RPL13: variants seen among roughly 807,000 people sequenced by gnomAD.
RPL13 encodes the protein ribosomal protein L13.
In RPL13, 1 loss-of-function variant was observed where a neutral mutation model predicts 21.4. The ratio of observed to expected loss-of-function variants is 0.05; its 90% CI spans 0.02 to 0.22. The LOEUF is 0.22. RPL13 is among the 10% of genes least tolerant of loss of function. RPL13 has a pLI of 1.00. For missense variants in RPL13, 289 were observed against 303.0 expected (o/e 0.95, Z 0.34); for synonymous variants, 143 against 120.5 (o/e 1.19, Z -1.23).
rs11546502 is a variant in RPL13, at chr16:89,561,237, C to A, written c.115C>A (p.Arg39=). 2 of 1,546,516 alleles carry A rather than the reference C, an allele frequency of 1.3e-6. No homozygotes were observed. The highest frequency in any genetic ancestry group is 2.3e-4 in the Middle Eastern group (1 of 4,416). ...PARKIRRRKA[R]QAKARRIAPR... ...GCTTCTCTCCACCAGACGTAAGGCC[C>A]GGCAAGCCAAGGCGCGCCGCATCGC... Residue 39 remains arginine (R), a synonymous_variant, in exon 3 of 6, where the codon CGG becomes AGG. Transcript: ENST00000311528.
downstream of RPL13, chr16:89,565,428 GCCT>G (rs1312211552): frequency 2.0e-5 from 3 of 152,288 alleles, no homozygotes; most frequent in Non-Finnish European, 2.9e-5. Flanking sequence ...GGGTGAGGCA[GCCT>G]CCCTGCTGAC....
In RPL13 at chr16:89,561,671, G is replaced by C; in HGVS notation, c.340G>C (p.Val114Leu). ...NKSTESLQAN[V>L]QRLKEYRSKL... ...GTCCACGGAGTCCCTGCAGGCCAAC[G>C]TGCAGCGGCTGAAGGAGTACCGCTC... The change falls in exon 4 of 6, where the codon GTG (valine) becomes CTG (leucine). Residue 114 changes from valine (V) to leucine (L), a missense_variant. Physicochemically the swap from Val to Leu is conservative, Grantham distance 32. Coordinates refer to ENST00000311528, the MANE Select transcript of RPL13 (RefSeq NM_000977.4). 2 of 1,613,896 alleles carry C rather than the reference G, an allele frequency of 1.2e-6. No homozygotes were observed. The highest frequency in any genetic ancestry group is 1.7e-6 in the Non-Finnish European group (2 of 1,180,042).
downstream of RPL13, chr16:89,566,161 G>C (rs890296720): frequency 7.5e-6 from 1 of 133,072 alleles, no homozygotes; most frequent in Non-Finnish European, 1.7e-5. Context: ...TGCCAGCAGT[G>C]CCCACGGGGG....
In RPL13 at chr16:89,561,739, G is replaced by A. The variant is rs753143699; in HGVS notation, c.408G>A (p.Lys136=). 6.8e-6 allele frequency: 11 copies of A among 1,613,626 alleles called. No homozygotes were observed. Among genetic ancestry groups the A allele is most frequent in the South Asian group, 1.1e-5 (1 of 91,076 alleles). ...LFPRKPSAPK[K]GDSSAEELKL... Reference sequence around the variant, plus strand: ...CCAGGAAGCCCTCGGCCCCCAAGAAGGGAGACAGTTCTGTGAGTACACGGC... The same window carrying A: ...CCAGGAAGCCCTCGGCCCCCAAGAAAGGAGACAGTTCTGTGAGTACACGGC... The change falls in exon 4 of 6, where the codon AAG becomes AAA. Residue 136 remains lysine (K), a synonymous_variant. Coordinates refer to ENST00000311528, the MANE Select transcript of RPL13 (RefSeq NM_000977.4).
downstream of RPL13, chr16:89,565,993 C>T (rs2058786101): frequency 6.6e-6 from 1 of 152,294 alleles, no homozygotes; most frequent in South Asian, 2.1e-4. Context: ...GCTCCTCATT[C>T]CGTTTTGCAG....
Position 89,564,146 on chromosome 16 carries a change from G to A in RPL13, c.*1104G>A, listed in dbSNP as rs770845520. 2.0e-5 allele frequency: 3 copies of A among 152,208 alleles called. No individual in the cohort carries two copies. Among genetic ancestry groups the A allele is most frequent in the Non-Finnish European group, 4.4e-5 (3 of 68,088 alleles). The allele number at this position is 152,208 out of a possible 1,614,324, so 9.4% of individuals were successfully genotyped here. On this transcript the variant is annotated 3_prime_UTR_variant, in exon 6 of 6. Coordinates refer to ENST00000311528, the MANE Select transcript of RPL13 (RefSeq NM_000977.4). Reference sequence around the variant, plus strand: ...ACAACCCCAGAGAAGCAGCTTCAGGGACCGAGTCAGATTCTGTTTTGTCTA... The same window carrying A: ...ACAACCCCAGAGAAGCAGCTTCAGGAACCGAGTCAGATTCTGTTTTGTCTA...
chr16:89,561,392 G>A, intron 3 of RPL13, 24 bp downstream of exon 3: 1 of 1,611,140 alleles, frequency 6.2e-7, no homozygotes, highest in South Asian at 1.1e-5. Flanking sequence ...GCGCTGCGGT[G>A]TCAGGAAGGC....
chr16:89,562,464 G>A, intron 5 of RPL13, 73 bp downstream of exon 5: 1 of 1,414,244 alleles, frequency 7.1e-7, no homozygotes, highest in Non-Finnish European at 9.8e-7. Flanking sequence ...CTGAGATGCG[G>A]GTGATGGGGG....
intron 3 of RPL13, 28 bp downstream of exon 3, chr16:89,561,396 G>T: frequency 6.2e-7 from 1 of 1,611,478 alleles, no homozygotes. Context: ...TGCGGTGTCA[G>T]GAAGGCCCCG....
rs2058746846 is a variant in RPL13, at chr16:89,561,763, GCT to G, written c.420+17_420+18del. ...AGGGAGACAGTTCTGTGAGTACACGGCTCTCTGGCCGTCCTGGTGCGCGGGGA... is the reference window on the plus strand; with the variant it reads ...AGGGAGACAGTTCTGTGAGTACACGGCTCTGGCCGTCCTGGTGCGCGGGGA... On this transcript the variant is annotated intron_variant, in intron 4 of 5. Transcript: ENST00000311528. 6.2e-7 allele frequency: 1 copy of G among 1,608,928 alleles called. No individual in the cohort carries two copies. The highest frequency in any genetic ancestry group is 8.5e-7 in the Non-Finnish European group (1 of 1,176,204).
At chr16:89,561,095 C>T in intron 2 of RPL13, 32 bp downstream of exon 2, 1 of 1,576,756 alleles carries the variant, frequency 6.3e-7, no homozygotes, top group Non-Finnish European at 8.6e-7. Context: ...GCCCCTGGGG[C>T]TCGTGCCCGC....
At chr16:89,561,086 C>G in intron 2 of RPL13, 23 bp downstream of exon 2, 1 of 1,587,660 alleles carries the variant, frequency 6.3e-7, no homozygotes, top group Non-Finnish European at 8.6e-7. Flanking sequence ...CTCGGGGCTG[C>G]CCCTGGGGCT....
chr16:89,561,100 G>C, intron 2 of RPL13, 37 bp downstream of exon 2: 3 of 1,566,262 alleles, frequency 1.9e-6, no homozygotes, highest in Non-Finnish European at 2.6e-6. Flanking sequence ...TGGGGCTCGT[G>C]CCCGCGGCTG....
downstream of RPL13, chr16:89,566,678 CAA>C (rs2058794325): frequency 6.6e-6 from 1 of 150,748 alleles, no homozygotes; most frequent in African/African-American, 2.4e-5. Context: ...AAAAAAAAAA[CAA>C]AACTATTATG....
intron 3 of RPL13, 42 bp from the exon 4 acceptor site, chr16:89,561,536 A>C (rs748950826): frequency 6.2e-7 from 1 of 1,613,110 alleles, no homozygotes; most frequent in East Asian, 2.2e-5. Flanking sequence ...GGGGCTGGAG[A>C]AAGCCCGGGC....
At chr16:89,561,973 C>T (rs3751691) in intron 4 of RPL13, 96,002 of 609,322 alleles carry the variant, frequency 0.16, 8,150 homozygotes, top group Middle Eastern at 0.2. Context: ...TTTCCATTGA[C>T]GTTGCTCTCC....
chr16:89,562,595 G>A, intron 5 of RPL13: 1 of 592,612 alleles, frequency 1.7e-6, no homozygotes, highest in East Asian at 3.2e-5. Context: ...ATTTTTGTTT[G>A]TTTTGTGTTT....
chr16:89,561,706 C>A lies in RPL13; in HGVS notation c.375C>A (p.Ile125=). The change falls in exon 4 of 6, where the codon ATC becomes ATA. Residue 125 remains isoleucine, a synonymous_variant. Coordinates refer to ENST00000311528, the MANE Select transcript of RPL13 (RefSeq NM_000977.4). ...TGAAGGAGTACCGCTCCAAACTCAT[C>A]CTCTTCCCCAGGAAGCCCTCGGCCC... The part of the protein sequence containing the change: ...QRLKEYRSKL[I]LFPRKPSAPK... 2 of 1,613,858 alleles carry A rather than the reference C, an allele frequency of 1.2e-6. No homozygotes were observed. The highest frequency in any genetic ancestry group is 1.7e-6 in the Non-Finnish European group (2 of 1,180,024).
At chr16:89,561,915 A>C in intron 4 of RPL13, 164 bp downstream of exon 4, 4 of 789,304 alleles carry the variant, frequency 5.1e-6, no homozygotes, top group Non-Finnish European at 7.9e-6. Context: ...GTTTCCGCAG[A>C]GATAACCTTA....
Sources: allele counts gnomAD v4.1 joint callset, GRCh38; gene constraint gnomAD v4.1.1; transcripts MANE v1.5; gene names NCBI Gene and HGNC (gene_info 2026-07-23, HGNC 2026-07-21).